TECRL: variants seen among roughly 807,000 people sequenced by gnomAD.
The protein encoded by TECRL is trans-2,3-enoyl-CoA reductase like, also known as trans-2,3-enoyl-CoA reductase-like.
A neutral mutation model predicts 52.8 loss-of-function variants in TECRL; 63 were observed. The observed-to-expected ratio is 1.19, with a 90% confidence interval of 0.97 to 1.47. TECRL has a LOEUF of 1.47. Among genes scored for constraint, TECRL ranks in the 40% most tolerant of loss-of-function variants. The pLI, the probability that TECRL is intolerant of heterozygous loss-of-function variation, is 0.00. For missense variants in TECRL, 482 were observed against 429.6 expected, an observed-to-expected ratio of 1.12 and a Z score of -1.08; for synonymous variants, 164 against 141.9, an observed-to-expected ratio of 1.16 and a Z score of -1.10.
chr4:64,286,452 T>C (rs757675439), intron 9 of TECRL, among the ~76,000 whole-genome samples: 2 of 151,760 alleles, frequency 1.3e-5, no homozygotes, highest in Non-Finnish European at 2.9e-5. Flanking sequence ...AGAAGGAACA[T>C]AGGTACAGTG....
chr4:64,345,606 T>C (rs1487021740), intron 2 of TECRL, among the ~76,000 whole-genome samples: 3 of 150,098 alleles, frequency 2.0e-5, no homozygotes, highest in Admixed American at 6.6e-5. Context: ...TGTTAAATGA[T>C]GAGTTAATAG....
At chr4:64,310,586 T>G (rs1416211678) in intron 5 of TECRL, among the ~76,000 whole-genome samples, 1 of 152,192 alleles carries the variant, frequency 6.6e-6, no homozygotes, top group Admixed American at 6.6e-5. Context: ...TTTACAGCAG[T>G]ATATTTTTCT....
chr4:64,290,885 C>T (rs1352702660), intron 8 of TECRL, among the ~76,000 whole-genome samples: 1 of 151,928 alleles, frequency 6.6e-6, no homozygotes, highest in Non-Finnish European at 1.5e-5. Flanking sequence ...ATTTAAAGAT[C>T]CAGAAAACAA....
chr4:64,325,195 T>C (rs966574988), intron 3 of TECRL, among the ~76,000 whole-genome samples: 1 of 152,148 alleles, frequency 6.6e-6, no homozygotes, highest in African/African-American at 2.4e-5. Flanking sequence ...AGGAACTTCT[T>C]CCATGCAACT....
chr4:64,358,852 G>T (rs1720971761), intron 2 of TECRL, among the ~76,000 whole-genome samples: 1 of 151,714 alleles, frequency 6.6e-6, no homozygotes, highest in African/African-American at 2.4e-5. Context: ...ATTTTCAAAA[G>T]ATTTATCACA....
chr4:64,356,091 C>G (rs779648632), intron 2 of TECRL, among the ~76,000 whole-genome samples: 1 of 152,062 alleles, frequency 6.6e-6, no homozygotes, highest in African/African-American at 2.4e-5. Context: ...GCCTTGTTAA[C>G]AAAATGTTTA....
chr4:64,286,299 C>A (rs752675655), intron 9 of TECRL, among the ~76,000 whole-genome samples: 4 of 151,830 alleles, frequency 2.6e-5, no homozygotes, highest in Non-Finnish European at 4.4e-5. Context: ...AAGGAAGAAA[C>A]TTTCCCAGTA....
At chr4:64,396,915 T>A (rs1267603142) in intron 1 of TECRL, among the ~76,000 whole-genome samples, 1 of 152,144 alleles carries the variant, frequency 6.6e-6, no homozygotes, top group Non-Finnish European at 1.5e-5. Context: ...TAGGAAGCCC[T>A]TTCCCCATTG....
intron 2 of TECRL, among the ~76,000 whole-genome samples, chr4:64,330,028 G>A (rs1282399259): frequency 6.6e-6 from 1 of 150,640 alleles, no homozygotes; most frequent in Non-Finnish European, 1.5e-5. Flanking sequence ...GTACTATTGA[G>A]GAAAGAGAAA....
chr4:64,286,930 A>G (rs962726191), intron 9 of TECRL, among the ~76,000 whole-genome samples: 1 of 152,156 alleles, frequency 6.6e-6, no homozygotes, highest in African/African-American at 2.4e-5. Context: ...AACTTTGGCA[A>G]TGCTAGCATT....
chr4:64,295,709 A>T (rs1458374306), intron 8 of TECRL, among the ~76,000 whole-genome samples: 2 of 151,864 alleles, frequency 1.3e-5, no homozygotes, highest in African/African-American at 4.8e-5. Context: ...AACAAGTGAA[A>T]TCTCTATAGT....
At chr4:64,302,586 G>T (rs561080568) in intron 7 of TECRL, among the ~76,000 whole-genome samples, 2 of 109,408 alleles carry the variant, frequency 1.8e-5, no homozygotes, top group East Asian at 5.9e-4. Context: ...CAAAAGTCCA[G>T]TAACTTTTTT....
Position 64,355,804 on chromosome 4 carries a change from A to G in TECRL, c.286+19368T>C, listed in dbSNP as rs565218991. On this transcript the variant is annotated intron_variant, in intron 2 of 11. Coordinates refer to ENST00000381210, the MANE Select transcript of TECRL (RefSeq NM_001010874.5). ...AGTGAGACTCTGTCTCAAAAAAAAAAAAGAATAAGTTAAAACATTAATTAT... is the reference window on the plus strand; with the variant it reads ...AGTGAGACTCTGTCTCAAAAAAAAAGAAGAATAAGTTAAAACATTAATTAT... Among the ~76,000 whole-genome samples the G allele has an allele frequency of 8.8e-3, 708 of 80,514 alleles. 21 individuals are homozygous for G. The highest frequency in any genetic ancestry group is 0.021 in the African/African-American group (666 of 31,740). 52.8% of individuals were successfully genotyped at this position (80,514 alleles called of 152,430 possible).
chr4:64,352,183 C>T (rs1288742808), intron 2 of TECRL, among the ~76,000 whole-genome samples: 1 of 152,022 alleles, frequency 6.6e-6, no homozygotes, highest in Non-Finnish European at 1.5e-5. Context: ...CTTCAAATAC[C>T]TGAGTCTACC....
chr4:64,364,352 A>G (rs1721445341), intron 2 of TECRL, among the ~76,000 whole-genome samples: 1 of 152,114 alleles, frequency 6.6e-6, no homozygotes, highest in Non-Finnish European at 1.5e-5. Context: ...AGGAACATCT[A>G]GAGAAAAGTA....
At chr4:64,372,567 A>G (rs1301725427) in intron 2 of TECRL, among the ~76,000 whole-genome samples, 1 of 151,776 alleles carries the variant, frequency 6.6e-6, no homozygotes, top group Non-Finnish European at 1.5e-5. Context: ...TTGTCACTGT[A>G]TAGAAAAGAC....
At chr4:64,293,984 T>A (rs1029260523) in intron 8 of TECRL, among the ~76,000 whole-genome samples, 19 of 137,184 alleles carry the variant, frequency 1.4e-4, no homozygotes, top group African/African-American at 5.1e-4. Context: ...ATATATAAAA[T>A]ATATATATAT....
chr4:64,290,797 A>G (rs939250527), intron 8 of TECRL, among the ~76,000 whole-genome samples: 28 of 152,254 alleles, frequency 1.8e-4, no homozygotes, highest in Admixed American at 1.4e-3. Context: ...TAAAAATGCT[A>G]TTTAAAATAA....
chr4:64,319,054 T>C (rs1717705355), intron 4 of TECRL, among the ~76,000 whole-genome samples: 2 of 151,870 alleles, frequency 1.3e-5, no homozygotes, highest in South Asian at 4.1e-4. Context: ...ATTTTTACCT[T>C]AGTAAAATCA....
Sources: allele counts gnomAD v4.1 joint callset (sites outside exome capture counted in the v4.1 genomes callset), GRCh38; gene constraint gnomAD v4.1.1; transcripts MANE v1.5; gene names NCBI Gene and HGNC (gene_info 2026-07-23, HGNC 2026-07-21).